The following NUB1 variants were observed in gnomAD, a reference collection of about 807,000 sequenced individuals.
NUB1 encodes NEDD8 ultimate buster 1.
A neutral mutation model predicts 77.1 loss-of-function variants in NUB1; 41 were observed. The ratio of observed to expected loss-of-function variants is 0.53; its 90% CI spans 0.41 to 0.69. NUB1 has a LOEUF of 0.69. Ranked by LOEUF, NUB1 falls within the 30% of genes least tolerant of loss-of-function variation. The probability of loss-of-function intolerance (pLI) is 0.00; values close to 1 mark genes in which losing one functional copy is unlikely to be tolerated. For synonymous variants in NUB1, 257 were observed against 281.0 expected (o/e 0.91, Z 0.85); for missense variants, 643 against 743.8 (o/e 0.86, Z 1.58).
intron 1 of NUB1, among the ~76,000 whole-genome samples, chr7:151,342,364 G>T (rs1054699982): frequency 6.6e-6 from 1 of 152,072 alleles, no homozygotes; most frequent in South Asian, 2.1e-4. Flanking sequence ...AATGTGTCTT[G>T]ACTAGATATA....
intron 3 of NUB1, chr7:151,351,189 C>G: frequency 2.0e-6 from 1 of 489,544 alleles, no homozygotes; most frequent in East Asian, 4.0e-5. Flanking sequence ...TGTGAGACGG[C>G]CCCTCTGAGC....
intron 13 of NUB1, chr7:151,376,261 C>T: frequency 4.3e-6 from 2 of 466,024 alleles, no homozygotes; most frequent in South Asian, 2.4e-5. Context: ...ACCTGGGAAA[C>T]CCATCCAGCT....
chr7:151,361,743 C>G (rs972241710), intron 8 of NUB1, among the ~76,000 whole-genome samples: 7 of 151,682 alleles, frequency 4.6e-5, no homozygotes, highest in African/African-American at 1.7e-4. Flanking sequence ...TTAACGTACA[C>G]AAAAAAGGAA....
At chr7:151,368,073 G>C in intron 10 of NUB1, 105 bp downstream of exon 10, 1 of 668,504 alleles carries the variant, frequency 1.5e-6, no homozygotes, top group Non-Finnish European at 2.6e-6. Context: ...AAACATGCCT[G>C]TGCTTTCTCC....
At chr7:151,356,096 A>T (rs1446160253) in intron 6 of NUB1, 32 bp from the exon 7 acceptor site, 1 of 1,582,532 alleles carries the variant, frequency 6.3e-7, no homozygotes, top group Non-Finnish European at 8.7e-7. Flanking sequence ...TTTAACATTG[A>T]GTTCATGGAG....
intron 1 of NUB1, among the ~76,000 whole-genome samples, chr7:151,343,796 G>A (rs1297105743): frequency 6.6e-6 from 1 of 152,132 alleles, no homozygotes; most frequent in Non-Finnish European, 1.5e-5. Context: ...TGCTCGTTAA[G>A]ATGCTGCCTA....
chr7:151,348,199 A>T (rs897978523), intron 2 of NUB1, among the ~76,000 whole-genome samples: 1 of 152,198 alleles, frequency 6.6e-6, no homozygotes, highest in Non-Finnish European at 1.5e-5. Context: ...CTTTGCTCTC[A>T]GTAATAACTG....
At chr7:151,373,300 A>G (rs1429056652) in intron 11 of NUB1, among the ~76,000 whole-genome samples, 4 of 152,168 alleles carry the variant, frequency 2.6e-5, no homozygotes, top group Non-Finnish European at 5.9e-5. Flanking sequence ...TGGTTTTCAA[A>G]CTTGCTTTGT....
chr7:151,375,018 G>T (rs1798146740), intron 12 of NUB1, among the ~76,000 whole-genome samples: 1 of 151,306 alleles, frequency 6.6e-6, no homozygotes, highest in African/African-American at 2.4e-5. Context: ...CGTGCTGGGG[G>T]CGGGGCTGGG....
intron 7 of NUB1, among the ~76,000 whole-genome samples, chr7:151,359,392 G>A (rs531203057): frequency 6.0e-5 from 9 of 150,634 alleles, no homozygotes; most frequent in Admixed American, 4.0e-4. Flanking sequence ...GCAGTGAGTC[G>A]AGATCGCGCC....
At chr7:151,352,020 G>T in intron 4 of NUB1, 1 of 446,470 alleles carries the variant, frequency 2.2e-6, no homozygotes, top group Admixed American at 2.4e-5. Context: ...GGTGTTTGGA[G>T]CACCTCCAGG....
At position 151,375,941 on chromosome 7, in the gene NUB1, C is replaced by G. The variant is rs749132094; in HGVS notation, c.1489C>G (p.Arg497Gly). 6.2e-7 allele frequency: 1 copy of G among 1,604,952 alleles called. No homozygotes were observed. The highest frequency in any genetic ancestry group is 8.5e-7 in the Non-Finnish European group (1 of 1,171,870). Reference protein sequence around the residue: ...QESPSQENIDRLVYMGFDALV... With the variant: ...QESPSQENIDGLVYMGFDALV... ...AAGTCCTTCCCAGGAAAACATTGACCGAGTGAGTGACAGGCCTTTGTGCCC... is the reference window on the plus strand; with the variant it reads ...AAGTCCTTCCCAGGAAAACATTGACGGAGTGAGTGACAGGCCTTTGTGCCC... The change falls in exon 13 of 15, where the codon CGA becomes GGA. Residue 497 changes from arginine (R) to glycine (G), a missense_variant and splice_region_variant. Physicochemically the swap from Arg to Gly is moderately radical, Grantham distance 125. Transcript: ENST00000568733.
intron 7 of NUB1, 66 bp from the exon 8 acceptor site, chr7:151,360,075 G>A: frequency 1.4e-6 from 1 of 704,176 alleles, no homozygotes; most frequent in Non-Finnish European, 2.4e-6. Context: ...AAAGTAATAT[G>A]CTTTTAATAT....
intron 3 of NUB1, 101 bp downstream of exon 3, chr7:151,349,341 T>A: frequency 1.0e-6 from 1 of 998,594 alleles, no homozygotes; most frequent in South Asian, 1.6e-5. Flanking sequence ...AAGTCAGAAT[T>A]CTTTTAAGTG....
intron 13 of NUB1, 82 bp from the exon 14 acceptor site, chr7:151,376,552 T>G: frequency 7.6e-7 from 1 of 1,319,116 alleles, no homozygotes; most frequent in Non-Finnish European, 1.0e-6. Flanking sequence ...AACATGAGAG[T>G]CGGCTGTCCA....
intron 1 of NUB1, among the ~76,000 whole-genome samples, chr7:151,344,053 C>T (rs555462056): frequency 7.3e-5 from 11 of 150,508 alleles, no homozygotes; most frequent in African/African-American, 1.2e-4. Context: ...TGGTGGCGGG[C>T]GCCTGTAGTC....
At chr7:151,344,002 A>G (rs1437283763) in intron 1 of NUB1, among the ~76,000 whole-genome samples, 1 of 151,734 alleles carries the variant, frequency 6.6e-6, no homozygotes, top group Non-Finnish European at 1.5e-5. Flanking sequence ...CAACACGGTG[A>G]AACCCCATCT....
intron 8 of NUB1, among the ~76,000 whole-genome samples, chr7:151,366,184 C>A (rs1216137901): frequency 6.6e-6 from 1 of 152,154 alleles, no homozygotes; most frequent in South Asian, 2.1e-4. Context: ...TGTCTTTCTT[C>A]CCTTTGCTGC....
intron 12 of NUB1, among the ~76,000 whole-genome samples, chr7:151,374,783 A>T (rs761978324): frequency 6.6e-6 from 1 of 152,120 alleles, no homozygotes; most frequent in Non-Finnish European, 1.5e-5. Flanking sequence ...AATCCTCAGT[A>T]GGGCAGGTGC....
Sources: allele counts gnomAD v4.1 joint callset (sites outside exome capture counted in the v4.1 genomes callset), GRCh38; gene constraint gnomAD v4.1.1; transcripts MANE v1.5; gene names NCBI Gene and HGNC (gene_info 2026-07-23, HGNC 2026-07-21).